Variants in TUBB8 observed in about 807,000 individuals in gnomAD.
TUBB8 encodes tubulin beta-8 chain.
TUBB8 carries 25 observed loss-of-function variants against 33.7 expected under a neutral mutation model. That is an observed-to-expected ratio of 0.74 (90% CI 0.54 to 1.04). TUBB8 has a LOEUF of 1.04. Ranked by LOEUF, TUBB8 falls within the 50% of genes least tolerant of loss-of-function variation. The probability of loss-of-function intolerance (pLI) is 0.00; values close to 1 mark genes in which losing one functional copy is unlikely to be tolerated. For synonymous variants in TUBB8, 245 were observed against 240.1 expected, an observed-to-expected ratio of 1.02 and a Z score of -0.19; for missense variants, 279 against 608.0, an observed-to-expected ratio of 0.46 and a Z score of 5.69.
intron 1 of TUBB8, among the ~76,000 whole-genome samples, chr10:70,125 T>C (rs1834717721): frequency 1.3e-5 from 2 of 152,330 alleles, no homozygotes; most frequent in Non-Finnish European, 1.5e-5. Flanking sequence ...AGCTGGTTCC[T>C]GCAAAAGGTG....
intron 1 of TUBB8, chr10:73,915 CG>C (rs1834771641): frequency 6.5e-6 from 1 of 153,320 alleles, no homozygotes; most frequent in Admixed American, 6.6e-5. Context: ...ACGGGAAACG[CG>C]GCCGCGCTCG....
intron 1 of TUBB8, among the ~76,000 whole-genome samples, chr10:54,456 G>T (rs1346782129): frequency 1.3e-5 from 2 of 151,214 alleles, no homozygotes; most frequent in Non-Finnish European, 2.9e-5. Flanking sequence ...GGACATTTAG[G>T]TTTCTTCCAA....
intron 1 of TUBB8, among the ~76,000 whole-genome samples, chr10:67,333 G>C (rs568156327): frequency 5.7e-5 from 8 of 139,742 alleles, no homozygotes; most frequent in Non-Finnish European, 4.7e-5. Context: ...CTTCCAGTTC[G>C]TGAATATGAG....
At chr10:74,531 G>A (rs1204246977), upstream of TUBB8, among the ~76,000 whole-genome samples, 1 of 151,084 alleles carries the variant, frequency 6.6e-6, no homozygotes, top group African/African-American at 2.4e-5. Flanking sequence ...GGAGGCTGAG[G>A]CAGGAGAATC....
At chr10:64,368 CAACCCTT>C (rs1834642009) in intron 1 of TUBB8, among the ~76,000 whole-genome samples, 1 of 151,260 alleles carries the variant, frequency 6.6e-6, no homozygotes, top group Admixed American at 6.6e-5. Context: ...CCCCCAACCC[CAACCCTT>C]AACCCTTAAC....
chr10:71,641 C>G (rs1442083687), intron 1 of TUBB8, among the ~76,000 whole-genome samples: 6 of 150,610 alleles, frequency 4.0e-5, no homozygotes, highest in Non-Finnish European at 7.4e-5. Flanking sequence ...GTGGGGAGAC[C>G]TTAGGCTGGG....
At chr10:61,959 G>A (rs202183624) in intron 1 of TUBB8, among the ~76,000 whole-genome samples, 73 of 151,354 alleles carry the variant, frequency 4.8e-4, no homozygotes, top group South Asian at 1.3e-3. Context: ...TTTTTCCATC[G>A]TTTTATTTTC....
chr10:63,999 A>T (rs377331031), intron 1 of TUBB8, among the ~76,000 whole-genome samples: 5 of 147,560 alleles, frequency 3.4e-5, no homozygotes, highest in Non-Finnish European at 7.6e-5. Flanking sequence ...CAAACACGTA[A>T]AGGTACTGCT....
intron 1 of TUBB8, among the ~76,000 whole-genome samples, chr10:67,912 T>C (rs1275284402): frequency 0.088 from 9,526 of 107,698 alleles, no homozygotes; most frequent in African/African-American, 0.2. Context: ...TGGAACTACA[T>C]ATGCGTGCAA....
At chr10:57,845 A>G (rs1286160335) in intron 1 of TUBB8, among the ~76,000 whole-genome samples, 4 of 151,858 alleles carry the variant, frequency 2.6e-5, no homozygotes, top group African/African-American at 9.7e-5. Flanking sequence ...TATCTCTAAC[A>G]AGTGATTGCT....
intron 1 of TUBB8, among the ~76,000 whole-genome samples, chr10:57,434 G>A (rs552022033): frequency 1.4e-3 from 211 of 152,362 alleles, no homozygotes; most frequent in African/African-American, 4.8e-3. Flanking sequence ...CTCCACCCCT[G>A]CAGCATGCTT....
chr10:61,459 G>A (rs1328172671), intron 1 of TUBB8, among the ~76,000 whole-genome samples: 1 of 152,096 alleles, frequency 6.6e-6, no homozygotes, highest in African/African-American at 2.4e-5. Flanking sequence ...TTCCATTGTG[G>A]TCAGAGAAAA....
intron 1 of TUBB8, among the ~76,000 whole-genome samples, chr10:71,444 A>G (rs2130952688): frequency 6.6e-6 from 1 of 150,992 alleles, no homozygotes; most frequent in Middle Eastern, 3.4e-3. Flanking sequence ...GACAAGCCTG[A>G]CCAATATGGT....
intron 1 of TUBB8, among the ~76,000 whole-genome samples, chr10:71,721 G>T (rs371242132): frequency 6.6e-6 from 1 of 151,130 alleles, no homozygotes; most frequent in African/African-American, 2.4e-5. Flanking sequence ...GAGCCCAGGA[G>T]TTAAAGACAA....
chr10:51,177 C>T (rs149455558), upstream of TUBB8, among the ~76,000 whole-genome samples: 350 of 152,298 alleles, frequency 2.3e-3, 1 homozygote, highest in Middle Eastern at 0.01. Flanking sequence ...CTCTGTTGCT[C>T]AGGCTGGAGT....
At chr10:49,811 A>C (rs1554739288), upstream of TUBB8, 1 of 344,872 alleles carries the variant, frequency 2.9e-6, no homozygotes, top group African/African-American at 2.2e-5. Context: ...TCTTTAGAGT[A>C]GGGTTAGCCC....
chr10:47,252 A>C lies in TUBB8; in HGVS notation c.1140T>G (p.Arg380=), dbSNP rs1834350993. Reference sequence around the variant, plus strand: ...ACATTGCTGTAAACTGCTCTGAGACACGCTTGAAGAGTTCCTGGATGGCCG... The same window carrying C: ...ACATTGCTGTAAACTGCTCTGAGACCCGCTTGAAGAGTTCCTGGATGGCCG... ...NNTAIQELFK[R]VSEQFTAMFR... Residue 380 remains arginine (R), a synonymous_variant, in exon 4 of 4, where the codon CGT becomes CGG. Coordinates refer to ENST00000568584, the MANE Select transcript of TUBB8 (RefSeq NM_177987.3). 1 of 1,613,166 alleles carries C rather than the reference A, an allele frequency of 6.2e-7. No homozygotes were observed. Among genetic ancestry groups the C allele is most frequent in the Non-Finnish European group, 8.5e-7 (1 of 1,179,914 alleles).
rs1490120474 is a variant in TUBB8 at position 46,947 on chromosome 10, G to A, written c.*110C>T. On this transcript the variant is annotated 3_prime_UTR_variant, in exon 4 of 4. Transcript: ENST00000568584. ...GCATACTATAAAAATGCTTTAAAACGCAGCAGGAGATGTGAAGACACAAAT... is the reference window on the plus strand; with the variant it reads ...GCATACTATAAAAATGCTTTAAAACACAGCAGGAGATGTGAAGACACAAAT... 5.1e-6 allele frequency: 3 copies of A among 590,966 alleles called. No homozygotes were observed. Among genetic ancestry groups the A allele is most frequent in the South Asian group, 2.0e-5 (1 of 49,478 alleles). The allele number at this position is 590,966 out of a possible 1,614,324, so 36.6% of individuals were successfully genotyped here.
chr10:75,000 G>A (rs1302976412), upstream of TUBB8, among the ~76,000 whole-genome samples: 52 of 150,174 alleles, frequency 3.5e-4, no homozygotes, highest in African/African-American at 1.1e-3. Flanking sequence ...TCAGCCTCCC[G>A]AGTAGCTGGG....
Sources: allele counts gnomAD v4.1 joint callset (sites outside exome capture counted in the v4.1 genomes callset), GRCh38; gene constraint gnomAD v4.1.1; transcripts MANE v1.5; gene names NCBI Gene and HGNC (gene_info 2026-07-23, HGNC 2026-07-21).